The following PDE10A variants were observed in gnomAD, a reference collection of about 807,000 sequenced individuals.
PDE10A encodes the protein cAMP and cAMP-inhibited cGMP 3',5'-cyclic phosphodiesterase 10A.
PDE10A carries 39 observed loss-of-function variants against 97.7 expected under a neutral mutation model. The ratio of observed to expected loss-of-function variants is 0.40; its 90% CI spans 0.31 to 0.52. The LOEUF (loss-of-function observed/expected upper bound fraction) is 0.52, where lower values mean the gene tolerates loss of function less well. PDE10A is among the 20% of genes least tolerant of loss of function. The pLI, the probability that PDE10A is intolerant of heterozygous loss-of-function variation, is 0.56. For synonymous variants in PDE10A, 371 were observed against 376.8 expected, an observed-to-expected ratio of 0.98 and a Z score of 0.18; for missense variants, 731 against 1,047.8, an observed-to-expected ratio of 0.70 and a Z score of 4.17.
At chr6:165,336,247 A>G (rs375017027) in intron 20 of PDE10A, 36 bp from the exon 21 acceptor site, 82 of 1,340,136 alleles carry the variant, frequency 6.1e-5, no homozygotes, top group Non-Finnish European at 7.8e-5. Flanking sequence ...AAGAAACAAA[A>G]GTGCACATTA....
chr6:165,719,680 G>T (rs980009879), intron 1 of PDE10A, among the ~76,000 whole-genome samples: 7 of 152,202 alleles, frequency 4.6e-5, no homozygotes, highest in Non-Finnish European at 7.3e-5. Context: ...GCAGGTGAAA[G>T]CTCATGGAGC....
At chr6:165,528,758 C>T (rs1365194517) in intron 2 of PDE10A, among the ~76,000 whole-genome samples, 1 of 152,182 alleles carries the variant, frequency 6.6e-6, no homozygotes, top group Non-Finnish European at 1.5e-5. Flanking sequence ...ATTCACTGGT[C>T]TTACCATGTT....
At chr6:165,723,329 C>T (rs9348038) in intron 1 of PDE10A, among the ~76,000 whole-genome samples, 17,603 of 152,258 alleles carry the variant, frequency 0.12, 1,567 homozygotes, top group East Asian at 0.24. Context: ...TCCCTCTATG[C>T]TTCCTCAGCC....
chr6:165,909,182 A>G (rs1782387396), intron 1 of PDE10A: 1 of 152,190 alleles, frequency 6.6e-6, no homozygotes, highest in African/African-American at 2.4e-5. Context: ...CAGTCCAGGG[A>G]AAAGGAACTG....
chr6:165,664,808 T>G (rs889369581), upstream of PDE10A, among the ~76,000 whole-genome samples: 3 of 152,260 alleles, frequency 2.0e-5, no homozygotes, highest in African/African-American at 7.2e-5. Flanking sequence ...TGTTTATTGT[T>G]TATTCCTTTA....
At chr6:165,516,697 T>C (rs1454800817) in intron 2 of PDE10A, among the ~76,000 whole-genome samples, 1 of 152,226 alleles carries the variant, frequency 6.6e-6, no homozygotes, top group African/African-American at 2.4e-5. Context: ...AATAGGTCAC[T>C]TGTTTTTCCT....
intron 1 of PDE10A, among the ~76,000 whole-genome samples, chr6:165,929,554 A>C (rs1459548683): frequency 6.6e-6 from 1 of 152,138 alleles, no homozygotes; most frequent in Non-Finnish European, 1.5e-5. Context: ...ATGCCGCGAC[A>C]CCCTATGTGT....
At chr6:165,621,187 T>C (rs1048134103) in intron 1 of PDE10A, among the ~76,000 whole-genome samples, 1 of 151,688 alleles carries the variant, frequency 6.6e-6, no homozygotes, top group African/African-American at 2.4e-5. Context: ...AATTACACTG[T>C]AAAATGATAC....
At chr6:165,368,376 C>T (rs1706117) in intron 18 of PDE10A, among the ~76,000 whole-genome samples, 71,083 of 151,862 alleles carry the variant, frequency 0.47, 17,527 homozygotes, top group African/African-American at 0.64. Flanking sequence ...ATAACATATG[C>T]AGCAATAATA....
At chr6:165,527,760 A>AGTGGCTAAAATGTCCATG (rs1205593496) in intron 2 of PDE10A, among the ~76,000 whole-genome samples, 1 of 152,182 alleles carries the variant, frequency 6.6e-6, no homozygotes, top group Admixed American at 6.5e-5. Context: ...TACATGAGGA[A>AGTGGCTAAAATGTCCATG]GTGGCTAAAA....
At chr6:165,664,264 G>T (rs1302343685), upstream of PDE10A, among the ~76,000 whole-genome samples, 1 of 152,034 alleles carries the variant, frequency 6.6e-6, no homozygotes, top group Admixed American at 6.5e-5. Context: ...CGCCCTCCAC[G>T]TTTTCTTCTT....
At chr6:165,364,581 A>G (rs529801269) in intron 18 of PDE10A, among the ~76,000 whole-genome samples, 2 of 152,202 alleles carry the variant, frequency 1.3e-5, no homozygotes, top group African/African-American at 4.8e-5. Context: ...GATTGGAAAA[A>G]GGTAGAGTGG....
At chr6:165,940,949 T>A (rs1417847672) in intron 1 of PDE10A, among the ~76,000 whole-genome samples, 3 of 152,210 alleles carry the variant, frequency 2.0e-5, no homozygotes, top group Non-Finnish European at 4.4e-5. Flanking sequence ...CCATAGTGCC[T>A]TTAGAAGAAA....
Position 165,653,573 on chromosome 6 carries a change from C to T in PDE10A, c.865+8374G>A, listed in dbSNP as rs748670019. On this transcript the variant is annotated intron_variant, in intron 1 of 21. Coordinates refer to ENST00000539869, the MANE Select transcript of PDE10A (RefSeq NM_001385079.1). The stretch of plus-strand genomic sequence containing the variant: ...GCAGGGCCTGAGAGCTCCACAGGAG[C>T]GCAGAGGGACCTCCGTCTCCATCCC... Among the ~76,000 whole-genome samples, 5 of 152,148 alleles carry T rather than the reference C, an allele frequency of 3.3e-5. No homozygotes were observed. The East Asian group carries it at 9.6e-4, about 29-fold the overall frequency.
At chr6:165,395,368 T>C (rs1220094906) in intron 14 of PDE10A, 104 bp from the exon 15 acceptor site, 5 of 722,872 alleles carry the variant, frequency 6.9e-6, no homozygotes, top group Non-Finnish European at 1.2e-5. Context: ...AAAAAGACAC[T>C]GGGAGCTCAG....
chr6:165,860,631 A>T (rs1042990777), intron 1 of PDE10A, among the ~76,000 whole-genome samples: 12 of 152,342 alleles, frequency 7.9e-5, no homozygotes, highest in Admixed American at 5.2e-4. Flanking sequence ...ATGTCCACAA[A>T]AGAGCAAAAG....
At chr6:165,540,880 T>C (rs555162057) in intron 2 of PDE10A, among the ~76,000 whole-genome samples, 15 of 152,114 alleles carry the variant, frequency 9.9e-5, no homozygotes, top group Admixed American at 2.0e-4. Context: ...TCTTCCCACC[T>C]CGGCCTCCCA....
chr6:165,615,599 A>T (rs1583648747), intron 1 of PDE10A, among the ~76,000 whole-genome samples: 1 of 152,362 alleles, frequency 6.6e-6, no homozygotes, highest in East Asian at 1.9e-4. Context: ...TCTTTTAAAA[A>T]TGACATATTG....
intron 1 of PDE10A, among the ~76,000 whole-genome samples, chr6:165,553,296 G>A (rs942799069): frequency 2.0e-5 from 3 of 152,010 alleles, no homozygotes; most frequent in African/African-American, 4.8e-5. Context: ...TTATCCAGGT[G>A]ACAGACGTAA....
Sources: allele counts gnomAD v4.1 joint callset (sites outside exome capture counted in the v4.1 genomes callset), GRCh38; gene constraint gnomAD v4.1.1; transcripts MANE v1.5; gene names NCBI Gene and HGNC (gene_info 2026-07-23, HGNC 2026-07-21).